The following VAV2 variants were observed in gnomAD, a reference collection of about 807,000 sequenced individuals.
The protein encoded by VAV2 is guanine nucleotide exchange factor VAV2.
VAV2 carries 67 observed loss-of-function variants against 132.5 expected under a neutral mutation model. The ratio of observed to expected loss-of-function variants is 0.51; its 90% CI spans 0.42 to 0.62. VAV2 has a LOEUF of 0.62. Ranked by LOEUF, VAV2 falls within the 20% of genes least tolerant of loss-of-function variation. VAV2 has a pLI of 0.00. For missense variants in VAV2, 938 were observed against 1,153.6 expected, an observed-to-expected ratio of 0.81 and a Z score of 2.71; for synonymous variants, 492 against 443.5, an observed-to-expected ratio of 1.11 and a Z score of -1.37.
At chr9:133,862,514 T>C (rs1290153040) in intron 2 of VAV2, among the ~76,000 whole-genome samples, 1 of 152,238 alleles carries the variant, frequency 6.6e-6, no homozygotes, top group Non-Finnish European at 1.5e-5. Context: ...TGTGGTCGTG[T>C]GTGCATGTTG....
At chr9:133,806,005 A>G (rs1289464372) in intron 9 of VAV2, 76 bp downstream of exon 9, 1 of 1,480,874 alleles carries the variant, frequency 6.8e-7, no homozygotes, top group East Asian at 2.4e-5. Flanking sequence ...TCCCACTTAC[A>G]CAAGAGTTCC....
intron 1 of VAV2, among the ~76,000 whole-genome samples, chr9:133,940,520 C>T (rs1841099617): frequency 6.6e-6 from 1 of 152,114 alleles, no homozygotes; most frequent in Non-Finnish European, 1.5e-5. Flanking sequence ...GGACATACGC[C>T]CCTGCTGACC....
intron 20 of VAV2, among the ~76,000 whole-genome samples, chr9:133,780,435 G>A (rs1833967502): frequency 6.6e-6 from 1 of 152,316 alleles, no homozygotes; most frequent in South Asian, 2.1e-4. Flanking sequence ...TCCCAGAGCT[G>A]TACCCATAGC....
At chr9:133,988,022 T>A (rs1842908835) in intron 1 of VAV2, among the ~76,000 whole-genome samples, 1 of 152,090 alleles carries the variant, frequency 6.6e-6, no homozygotes, top group Non-Finnish European at 1.5e-5. Flanking sequence ...CAGCCCAGAT[T>A]AAACTCAAAG....
At chr9:133,946,084 G>A (rs1261155737) in intron 1 of VAV2, among the ~76,000 whole-genome samples, 2 of 152,244 alleles carry the variant, frequency 1.3e-5, no homozygotes, top group Admixed American at 6.5e-5. Flanking sequence ...TGGCAGGGGG[G>A]TTGGGGTGCC....
At chr9:133,793,321 G>T (rs1834573377) in intron 12 of VAV2, among the ~76,000 whole-genome samples, 1 of 151,418 alleles carries the variant, frequency 6.6e-6, no homozygotes, top group Non-Finnish European at 1.5e-5. Flanking sequence ...ACCAGCCAGG[G>T]CCAGAGCCAG....
chr9:133,972,086 C>G (rs945132175), intron 1 of VAV2, among the ~76,000 whole-genome samples: 5 of 152,132 alleles, frequency 3.3e-5, no homozygotes, highest in African/African-American at 1.2e-4. Flanking sequence ...TCTGATTCAT[C>G]CATAGCCACA....
chr9:133,905,630 G>A (rs1015354064), intron 2 of VAV2, among the ~76,000 whole-genome samples: 3 of 152,004 alleles, frequency 2.0e-5, no homozygotes, highest in African/African-American at 4.8e-5. Flanking sequence ...AAATGACCTG[G>A]AAGACCCTCA....
intron 1 of VAV2, among the ~76,000 whole-genome samples, chr9:133,956,222 A>T (rs940340699): frequency 6.6e-6 from 1 of 152,048 alleles, no homozygotes; most frequent in Non-Finnish European, 1.5e-5. Flanking sequence ...TGACAATTAA[A>T]AACAGGTCTG....
At chr9:133,798,297 A>G (rs1224525240) in intron 9 of VAV2, among the ~76,000 whole-genome samples, 1 of 152,146 alleles carries the variant, frequency 6.6e-6, no homozygotes, top group African/African-American at 2.4e-5. Flanking sequence ...TGTTGCTTCC[A>G]CATGGTGTCT....
intron 1 of VAV2, among the ~76,000 whole-genome samples, chr9:133,940,363 C>T (rs933348528): frequency 1.3e-5 from 2 of 152,148 alleles, no homozygotes; most frequent in Non-Finnish European, 2.9e-5. Context: ...CTGCCCAGCT[C>T]CAAGAGCAGT....
chr9:133,939,329 T>C (rs1841047096), intron 1 of VAV2, 110 bp from the exon 2 acceptor site: 1 of 938,886 alleles, frequency 1.1e-6, no homozygotes, highest in South Asian at 1.3e-5. Context: ...CGCCAGCACA[T>C]CCAAGCTCAT....
chr9:133,772,257 T>C (rs1200804362), intron 25 of VAV2, among the ~76,000 whole-genome samples: 1 of 152,174 alleles, frequency 6.6e-6, no homozygotes, highest in East Asian at 1.9e-4. Flanking sequence ...CCTTGCTCGT[T>C]TGGGGCCCGG....
intron 29 of VAV2, among the ~76,000 whole-genome samples, chr9:133,767,517 G>GCACTTTTTT (rs1833476041): frequency 6.6e-6 from 1 of 152,204 alleles, no homozygotes; most frequent in East Asian, 1.9e-4. Context: ...ACAGCTTCAG[G>GCACTTTTTT]CACTTTTAAT....
rs1263862070 is a variant in VAV2, at chr9:133,826,572, C to T, written c.449+7700G>A. On this transcript the variant is annotated intron_variant, in intron 4 of 29. Transcript: ENST00000371850. The surrounding 1 kb of genome is among the most constrained non-coding windows in gnomAD (Gnocchi z 4.2). ...GCAGACAAGGATGCTCCTGGTGGGG[C>T]ATGTTTACCAGCTGGCTGTCAGACA... Among the ~76,000 whole-genome samples, 1 of 152,192 alleles carries T rather than the reference C, an allele frequency of 6.6e-6. No homozygotes were observed. The highest frequency in any genetic ancestry group is 1.5e-5 in the Non-Finnish European group (1 of 68,026).
chr9:133,772,791 T>C (rs1170473963), intron 25 of VAV2, among the ~76,000 whole-genome samples: 1 of 152,178 alleles, frequency 6.6e-6, no homozygotes, highest in Non-Finnish European at 1.5e-5. Flanking sequence ...GGCAGGTGCT[T>C]CCATCACTGT....
intron 1 of VAV2, among the ~76,000 whole-genome samples, chr9:133,954,529 C>T (rs549538912): frequency 4.6e-5 from 7 of 152,256 alleles, no homozygotes; most frequent in Non-Finnish European, 8.8e-5. Context: ...TGAAGGCTTC[C>T]GGAGAAGGCA....
intron 1 of VAV2, among the ~76,000 whole-genome samples, chr9:133,943,149 G>T (rs550930204): frequency 6.6e-6 from 1 of 152,350 alleles, no homozygotes; most frequent in African/African-American, 2.4e-5. Flanking sequence ...GTGTGGGCAG[G>T]CACCAGGTCC....
At position 133,857,255 on chromosome 9, in the gene VAV2, C is replaced by T. The variant is rs1022935384; in HGVS notation, c.380+4119G>A. Among the ~76,000 whole-genome samples the T allele has an allele frequency of 1.8e-4, 28 of 152,314 alleles. No individual in the cohort carries two copies. The highest frequency in any genetic ancestry group is 4.8e-4 in the African/African-American group (20 of 41,570). On this transcript the variant is annotated intron_variant, in intron 3 of 29. Coordinates refer to ENST00000371850, the MANE Select transcript of VAV2 (RefSeq NM_001134398.2). The surrounding 1 kb of genome is among the most constrained non-coding windows in gnomAD (Gnocchi z 4.0). Reference sequence around the variant, plus strand: ...CCACAGCAAGACCCACATCCCCACACGCCTCGCTGGGTGCCTTCCACAAAC... The same window carrying T: ...CCACAGCAAGACCCACATCCCCACATGCCTCGCTGGGTGCCTTCCACAAAC...
Sources: gnomAD v4.1 joint callset for allele counts (sites outside exome capture counted in the v4.1 genomes callset) on GRCh38, gnomAD v4.1.1 for gene constraint, Gnocchi (gnomAD v3.1) non-coding constraint, MANE v1.5 for transcripts, NCBI Gene and HGNC (gene_info 2026-07-23, HGNC 2026-07-21) for gene names.